KCNT1: variants seen among roughly 807,000 people sequenced by gnomAD.
KCNT1 encodes potassium sodium-activated channel subfamily T member 1, also known as potassium channel subfamily T member 1.
In KCNT1, 78 loss-of-function variants were observed where a neutral mutation model predicts 147.8. That is an observed-to-expected ratio of 0.53 (90% CI 0.44 to 0.64). The LOEUF (loss-of-function observed/expected upper bound fraction) is 0.64, where lower values mean the gene tolerates loss of function less well. Among genes scored for constraint, KCNT1 ranks in the 30% least tolerant of loss-of-function variants. The pLI, the probability that KCNT1 is intolerant of heterozygous loss-of-function variation, is 0.00. For missense variants in KCNT1, 1,419 were observed against 1,750.3 expected (o/e 0.81, Z 3.38); for synonymous variants, 867 against 748.8 (o/e 1.16, Z -2.58).
intron 17 of KCNT1, 62 bp downstream of exon 17, chr9:135,770,509 C>T: frequency 1.9e-6 from 3 of 1,541,854 alleles, no homozygotes; most frequent in Non-Finnish European, 2.6e-6. Flanking sequence ...GTGCCCTCCC[C>T]ACCCTCCCGG....
chr9:135,787,958 C>T (rs1301173828), intron 29 of KCNT1: 1 of 690,768 alleles, frequency 1.4e-6, no homozygotes, highest in African/African-American at 1.7e-5. Flanking sequence ...AACTGCCTTT[C>T]TGGTGACCGA....
rs1588383914 is a variant in KCNT1 at position 135,778,390 on chromosome 9, A to T, written c.2523-34A>T. ...GCCTGAGGAGGGCAGGCCTTGAAGCAGGGTGGGCCCCTCCAGGACCGCTGT... is the reference window on the plus strand; with the variant it reads ...GCCTGAGGAGGGCAGGCCTTGAAGCTGGGTGGGCCCCTCCAGGACCGCTGT... On this transcript the variant is annotated intron_variant, in intron 21 of 30. Transcript: ENST00000371757. The T allele has an allele frequency of 8.4e-6, 13 of 1,543,492 alleles. No individual in the cohort carries two copies. In the East Asian group the frequency reaches 3.2e-4, roughly 38 times the overall value.
At chr9:135,711,367 C>T (rs1464597346) in intron 1 of KCNT1, among the ~76,000 whole-genome samples, 1 of 152,208 alleles carries the variant, frequency 6.6e-6, no homozygotes. Flanking sequence ...AAAGGCAGCA[C>T]AGCCCAAGGT....
At chr9:135,783,506 G>GTTTGCGGTCA (rs1833775654) in intron 24 of KCNT1, among the ~76,000 whole-genome samples, 6 of 152,354 alleles carry the variant, frequency 3.9e-5, no homozygotes, top group Admixed American at 2.6e-4. Flanking sequence ...TAGCTGCTAA[G>GTTTGCGGTCA]TTTGCGGTCA....
At chr9:135,735,138 C>T (rs547324686) in intron 2 of KCNT1, among the ~76,000 whole-genome samples, 1 of 152,302 alleles carries the variant, frequency 6.6e-6, no homozygotes, top group South Asian at 2.1e-4. Context: ...CAGCGCTCTC[C>T]CCTGGGGTAG....
rs1460424761 is a variant in KCNT1, at chr9:135,722,670, C to T, written c.254+7950C>T. Among the ~76,000 whole-genome samples the T allele has an allele frequency of 3.9e-5, 6 of 152,350 alleles. No individual in the cohort carries two copies. The East Asian group carries it at 1.2e-3, about 29-fold the overall frequency. On this transcript the variant is annotated intron_variant, in intron 2 of 30. Coordinates refer to ENST00000371757, the MANE Select transcript of KCNT1 (RefSeq NM_020822.3). ...TGGAAGCCCAGGATCAAGGCGCCGGCGGACCAGGCTCCTGGTGAGAGCATC... is the reference window on the plus strand; with the variant it reads ...TGGAAGCCCAGGATCAAGGCGCCGGTGGACCAGGCTCCTGGTGAGAGCATC...
rs764163914 is a variant in KCNT1, at chr9:135,702,332, G to C, written c.74G>C (p.Arg25Pro). ...REARGGGYTN[R>P]TFEFDDGQCA... ...GCGCGCGGCGGGGGCTACACCAACC[G>C]GACCTTCGAGTTTGACGACGGCCAA... The change falls in exon 1 of 31, where the codon CGG becomes CCG. Residue 25 changes from arginine (R) to proline (P), a missense_variant. Arg to Pro is a moderately radical substitution (Grantham distance 103). Transcript: ENST00000371757. 3 of 1,611,604 alleles carry C rather than the reference G, an allele frequency of 1.9e-6. No individual in the cohort carries two copies. The highest frequency in any genetic ancestry group is 1.7e-5 in the Admixed American group (1 of 59,972).
intron 24 of KCNT1, among the ~76,000 whole-genome samples, chr9:135,782,347 T>A (rs1399141707): frequency 6.6e-6 from 1 of 152,160 alleles, no homozygotes; most frequent in Non-Finnish European, 1.5e-5. Context: ...CCACCTCCCC[T>A]GCCGTCCACC....
Position 135,767,348 on chromosome 9 carries a change from C to T in KCNT1, c.1338-1262C>T, listed in dbSNP as rs1832355345. On this transcript the variant is annotated intron_variant, in intron 13 of 30. Transcript: ENST00000371757. ...GGCTGTGGGTACAGGGCCTGGGGCC[C>T]CTGCGGAGCAGACAGTGGTGCCAGT... is the stretch of plus-strand genomic sequence containing the variant. 4.6e-5 allele frequency among the ~76,000 whole-genome samples: 7 copies of T among 152,194 alleles called. No individual in the cohort carries two copies. In the South Asian group the frequency reaches 1.5e-3, roughly 32 times the overall value.
At chr9:135,716,124 GT>G (rs768925996) in intron 2 of KCNT1, among the ~76,000 whole-genome samples, 7 of 152,164 alleles carry the variant, frequency 4.6e-5, no homozygotes, top group Non-Finnish European at 1.0e-4. Context: ...GGCCGAATCC[GT>G]GGACTCAACA....
intron 2 of KCNT1, chr9:135,742,791 A>G: frequency 1.4e-6 from 1 of 717,056 alleles, no homozygotes; most frequent in South Asian, 1.5e-5. Context: ...AGAAGATTTC[A>G]GCCTGGACTC....
chr9:135,763,915 C>T (rs1832081571), intron 11 of KCNT1, among the ~76,000 whole-genome samples: 1 of 152,056 alleles, frequency 6.6e-6, no homozygotes, highest in Admixed American at 6.6e-5. Flanking sequence ...GGACGTGAGC[C>T]CTGGGGTGTC....
At chr9:135,774,129 T>G (rs779220286) in intron 19 of KCNT1, among the ~76,000 whole-genome samples, 13 of 151,028 alleles carry the variant, frequency 8.6e-5, no homozygotes, top group African/African-American at 1.7e-4. Context: ...GTGGTGTGTG[T>G]TGTGTGATAT....
intron 1 of KCNT1, among the ~76,000 whole-genome samples, chr9:135,703,467 G>A (rs935740608): frequency 2.6e-5 from 4 of 152,218 alleles, no homozygotes; most frequent in Non-Finnish European, 5.9e-5. Context: ...CAAGAGGCAG[G>A]CACAGCACCC....
intron 1 of KCNT1, among the ~76,000 whole-genome samples, chr9:135,703,404 C>T (rs940202650): frequency 6.6e-6 from 1 of 152,210 alleles, no homozygotes; most frequent in Non-Finnish European, 1.5e-5. Flanking sequence ...GGCGGATGGT[C>T]TTTAAGGGCT....
chr9:135,745,960 C>A (rs1386134291), intron 2 of KCNT1, among the ~76,000 whole-genome samples: 1 of 152,236 alleles, frequency 6.6e-6, no homozygotes, highest in Admixed American at 6.5e-5. Flanking sequence ...GGGTCTACCC[C>A]AGCCGGGTCG....
chr9:135,749,005 C>T (rs1454360768), intron 2 of KCNT1, among the ~76,000 whole-genome samples: 1 of 152,218 alleles, frequency 6.6e-6, no homozygotes, highest in Non-Finnish European at 1.5e-5. Flanking sequence ...GGGCACGGGC[C>T]GTTTAGGGGG....
chr9:135,784,521 C>A lies in KCNT1; in HGVS notation c.2944-14C>A, dbSNP rs1387209716. The A allele has an allele frequency of 3.8e-6, 3 of 798,266 alleles. No individual in the cohort carries two copies. The highest frequency in any genetic ancestry group is 5.9e-6 in the Non-Finnish European group (3 of 512,276). 49.4% of individuals were successfully genotyped at this position (798,266 alleles called of 1,614,324 possible). The stretch of plus-strand genomic sequence containing the variant: ...TCCCTCCCTCCCTCCCTCCCTCCCT[C>A]CCTCCCTGGCCAGTCCTTCGTGAAG... On this transcript the variant is annotated splice_polypyrimidine_tract_variant and intron_variant, in intron 25 of 30. Coordinates refer to ENST00000371757, the MANE Select transcript of KCNT1 (RefSeq NM_020822.3).
chr9:135,750,597 G>C, intron 3 of KCNT1: 5 of 466,566 alleles, frequency 1.1e-5, no homozygotes, highest in South Asian at 1.0e-4. Flanking sequence ...CTCCCCCCGG[G>C]ATTGCAGGTG....
Sources: gnomAD v4.1 joint callset for allele counts (sites outside exome capture counted in the v4.1 genomes callset) on GRCh38, gnomAD v4.1.1 for gene constraint, MANE v1.5 for transcripts, NCBI Gene and HGNC (gene_info 2026-07-23, HGNC 2026-07-21) for gene names.